The following PHIP variants were observed in gnomAD, a reference collection of about 807,000 sequenced individuals.
PHIP encodes PHIP subunit of CUL4-Ring ligase complex.
PHIP carries 54 observed loss-of-function variants against 236.8 expected under a neutral mutation model. The ratio of observed to expected loss-of-function variants is 0.23; its 90% CI spans 0.18 to 0.29. The LOEUF is 0.29. PHIP is among the 10% of genes least tolerant of loss of function. PHIP has a pLI of 1.00. For synonymous variants in PHIP, 756 were observed against 718.9 expected (o/e 1.05, Z -0.83); for missense variants, 1,370 against 2,190.8 (o/e 0.63, Z 7.48).
At chr6:79,003,599 A>C in intron 16 of PHIP, 131 bp downstream of exon 16, 1 of 556,010 alleles carries the variant, frequency 1.8e-6, no homozygotes, top group South Asian at 4.2e-5. Flanking sequence ...TCTCCAGACT[A>C]CTTAACACAA....
At chr6:79,068,703 A>G (rs1562223577) in intron 4 of PHIP, among the ~76,000 whole-genome samples, 1 of 152,236 alleles carries the variant, frequency 6.6e-6, no homozygotes, top group African/African-American at 2.4e-5. Context: ...ATTACATTCT[A>G]TATTACATAT....
At position 78,936,087 on chromosome 6, in the gene PHIP, TATA is replaced by T. The variant is rs1298722486; in HGVS notation, c.*4603_*4605del. The stretch of plus-strand genomic sequence containing the variant: ...GCTATTCTGGTGTGAAACTGCTGTT[TATA>T]ATATGATACTCCAGGTTCGGAAGGA... On this transcript the variant is annotated 3_prime_UTR_variant, in exon 40 of 40. Coordinates refer to ENST00000275034, the MANE Select transcript of PHIP (RefSeq NM_017934.7). 1 of 151,890 alleles carries T rather than the reference TATA, an allele frequency of 6.6e-6. No homozygotes were observed. The highest frequency in any genetic ancestry group is 1.5e-5 in the Non-Finnish European group (1 of 67,806). The allele number at this position is 151,890 out of a possible 1,614,324, so 9.4% of individuals were successfully genotyped here.
In PHIP at chr6:79,060,545, A is replaced by T. The variant is rs368915298; in HGVS notation, c.372T>A (p.Ala124=). The stretch of plus-strand genomic sequence containing the variant: ...GTCTTCCACAGTGCAACGCAGCCAG[A>T]GCAGATCCTTTCCACACAACATGCT... The part of the protein sequence containing the change: ...SCKHVVWKGS[A]LAALHCGRPP... The change falls in exon 6 of 40, where the codon GCT becomes GCA. Residue 124 remains alanine (A), a synonymous_variant. Coordinates refer to ENST00000275034, the MANE Select transcript of PHIP (RefSeq NM_017934.7). The T allele has an allele frequency of 8.7e-6, 14 of 1,613,790 alleles. No individual in the cohort carries two copies. Among genetic ancestry groups the T allele is most frequent in the Non-Finnish European group, 1.1e-5 (13 of 1,179,854 alleles).
At chr6:79,042,217 A>G (rs1056740538) in intron 7 of PHIP, among the ~76,000 whole-genome samples, 16 of 152,046 alleles carry the variant, frequency 1.1e-4, no homozygotes, top group Admixed American at 9.8e-4. Context: ...CACTTAAAAT[A>G]AAGCTCAAAA....
intron 8 of PHIP, 119 bp from the exon 9 acceptor site, chr6:79,025,738 C>T (rs2127748258): frequency 1.3e-6 from 1 of 741,216 alleles, no homozygotes; most frequent in Non-Finnish European, 2.3e-6. Context: ...AAGAATTTAC[C>T]AAGGTTATGT....
intron 9 of PHIP, among the ~76,000 whole-genome samples, chr6:79,025,318 G>A (rs1187590152): frequency 6.6e-6 from 1 of 151,470 alleles, no homozygotes. Context: ...AAAAAAATGT[G>A]AACATGAGAA....
At chr6:78,968,444 T>C (rs1335340502) in intron 27 of PHIP, among the ~76,000 whole-genome samples, 1 of 152,160 alleles carries the variant, frequency 6.6e-6, no homozygotes, top group Non-Finnish European at 1.5e-5. Context: ...ACAGTATTAG[T>C]GGGATGTGAA....
intron 12 of PHIP, 75 bp from the exon 13 acceptor site, chr6:79,016,717 T>C (rs1770847985): frequency 1.2e-6 from 1 of 866,264 alleles, no homozygotes; most frequent in African/African-American, 1.7e-5. Flanking sequence ...CCCAGAGATC[T>C]TGTTTAAAAA....
chr6:79,061,629 T>G (rs1773385299), intron 4 of PHIP, among the ~76,000 whole-genome samples: 1 of 152,130 alleles, frequency 6.6e-6, no homozygotes, highest in Non-Finnish European at 1.5e-5. Context: ...ATAAGATTAG[T>G]TTATTAGTAT....
chr6:78,947,523 A>G (rs991669591), intron 36 of PHIP, 100 bp downstream of exon 36: 6 of 598,776 alleles, frequency 1.0e-5, no homozygotes, highest in Non-Finnish European at 1.7e-5. Context: ...TGTAACAGAA[A>G]GTTAACTTTG....
intron 19 of PHIP, among the ~76,000 whole-genome samples, chr6:78,992,208 C>G (rs1769308469): frequency 6.6e-6 from 1 of 152,062 alleles, no homozygotes; most frequent in Non-Finnish European, 1.5e-5. Flanking sequence ...GTGATCCCCC[C>G]CACCTCGGCC....
chr6:78,989,192 A>C (rs1467343323), intron 20 of PHIP, among the ~76,000 whole-genome samples: 3 of 152,232 alleles, frequency 2.0e-5, no homozygotes, highest in Non-Finnish European at 4.4e-5. Context: ...ATGTGGGAGA[A>C]TCCTGCTTTG....
chr6:79,073,111 C>T (rs899998883), intron 4 of PHIP, among the ~76,000 whole-genome samples: 2 of 152,138 alleles, frequency 1.3e-5, no homozygotes, highest in Non-Finnish European at 2.9e-5. Context: ...CCAGCTCCCG[C>T]TTTATGCTCA....
intron 29 of PHIP, among the ~76,000 whole-genome samples, chr6:78,965,427 T>C (rs1235611071): frequency 6.6e-6 from 1 of 152,220 alleles, no homozygotes; most frequent in Admixed American, 6.5e-5. Context: ...GCCTCCCAAA[T>C]GCACACTTTC....
chr6:79,041,305 C>T lies in PHIP; in HGVS notation c.600+1538G>A, dbSNP rs1772199018. ...AGCTCTTCCAAGTCTGTACCTACCA[C>T]ACTCATGAGATAGCAAAAAGCACAC... is the stretch of plus-strand genomic sequence containing the variant. On this transcript the variant is annotated intron_variant, in intron 7 of 39. Transcript: ENST00000275034. Among the ~76,000 whole-genome samples, 4 of 152,092 alleles carry T rather than the reference C, an allele frequency of 2.6e-5. No homozygotes were observed. The South Asian group carries it at 8.3e-4, about 32-fold the overall frequency.
At chr6:79,073,945 TACTGCTATTTCTAGTTC>T (rs1486782500) in intron 4 of PHIP, among the ~76,000 whole-genome samples, 1 of 152,168 alleles carries the variant, frequency 6.6e-6, no homozygotes, top group East Asian at 1.9e-4. Flanking sequence ...AAATACAATG[TACTGCTATTTCTAGTTC>T]AAAATCACAG....
At chr6:78,974,623 C>T (rs36128361) in intron 24 of PHIP, among the ~76,000 whole-genome samples, 7 of 151,746 alleles carry the variant, frequency 4.6e-5, no homozygotes, top group Admixed American at 1.3e-4. Context: ...ATCGATAGAC[C>T]GCCAGCAAGA....
chr6:79,077,958 G>A (rs1356745779), intron 1 of PHIP, 45 bp from the exon 2 acceptor site: 1 of 1,585,148 alleles, frequency 6.3e-7, no homozygotes, highest in Admixed American at 1.8e-5. Context: ...CTGAGCGGTC[G>A]GGCGGCGGGG....
chr6:79,077,544 GCCCCTACCCGCCCGCTCCCCT>G (rs1774236313), intron 3 of PHIP, 37 bp from the exon 4 acceptor site: 1 of 1,295,530 alleles, frequency 7.7e-7, no homozygotes, highest in Admixed American at 3.2e-5. Flanking sequence ...CCGGCCCCCG[GCCCCTACCCGCCCGCTCCCCT>G]CCCCCGCCCG....
Sources: gnomAD v4.1 joint callset for allele counts (sites outside exome capture counted in the v4.1 genomes callset) on GRCh38, gnomAD v4.1.1 for gene constraint, MANE v1.5 for transcripts, NCBI Gene and HGNC (gene_info 2026-07-23, HGNC 2026-07-21) for gene names.